Variants in IRF8 observed in about 807,000 individuals in gnomAD.
IRF8 encodes interferon regulatory factor 8.
IRF8 carries 14 observed loss-of-function variants against 48.7 expected under a neutral mutation model. That is an observed-to-expected ratio of 0.29 (90% CI 0.19 to 0.45). The LOEUF (loss-of-function observed/expected upper bound fraction) is 0.45, where lower values mean the gene tolerates loss of function less well. IRF8 is among the 20% of genes least tolerant of loss of function. The probability of loss-of-function intolerance (pLI) is 1.00; values close to 1 mark genes in which losing one functional copy is unlikely to be tolerated. For missense variants in IRF8, 493 were observed against 580.7 expected, an observed-to-expected ratio of 0.85 and a Z score of 1.55; for synonymous variants, 278 against 227.3, an observed-to-expected ratio of 1.22 and a Z score of -2.01.
chr16:85,905,896 C>G (rs1284342974), intron 2 of IRF8, among the ~76,000 whole-genome samples: 1 of 152,246 alleles, frequency 6.6e-6, no homozygotes, highest in African/African-American at 2.4e-5. Flanking sequence ...CCCTCATTGT[C>G]TGCAGGCATC....
At chr16:85,912,642 C>A (rs1025636384) in intron 4 of IRF8, among the ~76,000 whole-genome samples, 1 of 152,152 alleles carries the variant, frequency 6.6e-6, no homozygotes, top group Non-Finnish European at 1.5e-5. Flanking sequence ...ATTGCCACAC[C>A]GGGGTCACAA....
At chr16:85,919,850 G>C (rs1372577446) in intron 7 of IRF8, among the ~76,000 whole-genome samples, 1 of 152,248 alleles carries the variant, frequency 6.6e-6, no homozygotes, top group African/African-American at 2.4e-5. Flanking sequence ...CGAATTGAGA[G>C]ATAAGAGAGA....
intron 6 of IRF8, among the ~76,000 whole-genome samples, chr16:85,917,600 A>G (rs73264978): frequency 0.02 from 3,022 of 152,316 alleles, 94 homozygotes; most frequent in African/African-American, 0.069. Flanking sequence ...TTTGTCTTTC[A>G]TTGAATTTGT....
At chr16:85,919,731 C>T (rs575586868) in intron 7 of IRF8, among the ~76,000 whole-genome samples, 36 of 152,354 alleles carry the variant, frequency 2.4e-4, no homozygotes, top group African/African-American at 8.4e-4. Flanking sequence ...GAGACCCTTT[C>T]AGTTGGCTGT....
intron 2 of IRF8, among the ~76,000 whole-genome samples, chr16:85,906,984 G>A (rs1391481123): frequency 6.6e-6 from 1 of 152,158 alleles, no homozygotes; most frequent in African/African-American, 2.4e-5. Flanking sequence ...AGTTGATTTA[G>A]TACATGGTTT....
rs761395039 is a variant in IRF8, at chr16:85,914,474, C to T, written c.555C>T (p.Gly185=). ...PDWWAQQPST[G]VPLVTGYTTY... ...CTTGCTTTTCTGTTTCTCCTGCAGG[C>T]GTGCCGCTGGTGACGGGGTACACCA... is the stretch of plus-strand genomic sequence containing the variant. Residue 185 remains glycine, a splice_region_variant and synonymous_variant, in exon 6 of 9, where the codon GGC becomes GGT. Coordinates refer to ENST00000268638, the MANE Select transcript of IRF8 (RefSeq NM_002163.4). The T allele has an allele frequency of 7.4e-6, 12 of 1,614,010 alleles. No individual in the cohort carries two copies. Among genetic ancestry groups the T allele is most frequent in the East Asian group, 4.5e-5 (2 of 44,876 alleles).
chr16:85,920,044 C>A, intron 7 of IRF8, 65 bp from the exon 8 acceptor site: 1 of 1,158,290 alleles, frequency 8.6e-7, no homozygotes, highest in Non-Finnish European at 1.3e-6. Flanking sequence ...CCCAGCCCTG[C>A]TGCTGCGGGA....
intron 3 of IRF8, chr16:85,909,490 G>T (rs539974836): frequency 2.6e-6 from 1 of 383,308 alleles, no homozygotes; most frequent in East Asian, 6.1e-5. Context: ...CCAGCAGCTT[G>T]CAGAGGAGGC....
chr16:85,908,079 A>G (rs1398932486), intron 2 of IRF8, among the ~76,000 whole-genome samples: 1 of 152,186 alleles, frequency 6.6e-6, no homozygotes, highest in Non-Finnish European at 1.5e-5. Context: ...TGACCTTGCG[A>G]AAGTTACTTA....
chr16:85,913,160 C>T lies in IRF8; in HGVS notation c.477C>T (p.Ile159=), dbSNP rs2152101951. 13 of 1,614,166 alleles carry T rather than the reference C, an allele frequency of 8.1e-6. No homozygotes were observed. Among genetic ancestry groups the T allele is most frequent in the Non-Finnish European group, 1.1e-5 (13 of 1,180,004 alleles). The change falls in exon 5 of 9, where the codon ATC becomes ATT. Residue 159 remains isoleucine (I), a synonymous_variant. Coordinates refer to ENST00000268638, the MANE Select transcript of IRF8 (RefSeq NM_002163.4). ...CTGTGGACGATTACATGGGGATGAT[C>T]AAAAGGAGCCCTTCCCCGCCGGAGG... ...EPSVDDYMGM[I]KRSPSPPEAC...
At chr16:85,917,777 A>C (rs1259131428) in intron 6 of IRF8, among the ~76,000 whole-genome samples, 1 of 152,190 alleles carries the variant, frequency 6.6e-6, no homozygotes, top group Non-Finnish European at 1.5e-5. Flanking sequence ...TAATCTTGTG[A>C]TTACATGTAT....
intron 6 of IRF8, among the ~76,000 whole-genome samples, chr16:85,917,854 C>T (rs1455867102): frequency 6.6e-6 from 1 of 152,204 alleles, no homozygotes; most frequent in Non-Finnish European, 1.5e-5. Flanking sequence ...GAGTGTTTTT[C>T]AGACTCTTTC....
At chr16:85,902,790 T>TGCAGGTGGCC (rs1904866092) in intron 1 of IRF8, 1 of 598,316 alleles carries the variant, frequency 1.7e-6, no homozygotes, top group Non-Finnish European at 3.0e-6. Flanking sequence ...TGCTGGTGGC[T>TGCAGGTGGCC]GCAGGTTTCC....
intron 7 of IRF8, 69 bp downstream of exon 7, chr16:85,918,872 C>G: frequency 3.8e-6 from 6 of 1,582,388 alleles, no homozygotes; most frequent in Non-Finnish European, 5.1e-6. Flanking sequence ...GTGCCATTTG[C>G]AGCTCAGGGT....
In IRF8 at chr16:85,915,711, C is replaced by G. The variant is rs553931367; in HGVS notation, c.601+1191C>G. 1.2e-4 allele frequency among the ~76,000 whole-genome samples: 18 copies of G among 152,296 alleles called. No homozygotes were observed. The East Asian group carries it at 2.5e-3, about 21-fold the overall frequency. On this transcript the variant is annotated intron_variant, in intron 6 of 8. Transcript: ENST00000268638. ...GGTCATGAGGCTAAGCCTCCGGGCT[C>G]GCCAGCCACTGGGCTATGGCCTGGG...
chr16:85,910,939 G>A (rs766248279), intron 3 of IRF8, among the ~76,000 whole-genome samples: 10 of 152,210 alleles, frequency 6.6e-5, no homozygotes, highest in Non-Finnish European at 1.2e-4. Context: ...GTAAGTTGTC[G>A]ACTGAGGAAG....
intron 2 of IRF8, among the ~76,000 whole-genome samples, chr16:85,907,347 C>G (rs1458044027): frequency 3.9e-5 from 6 of 152,202 alleles, no homozygotes. Flanking sequence ...GTGTGGTCTC[C>G]TGGGTAGCTA....
chr16:85,914,430 A>G, intron 5 of IRF8, 43 bp from the exon 6 acceptor site: 2 of 1,613,760 alleles, frequency 1.2e-6, no homozygotes, highest in Non-Finnish European at 1.7e-6. Context: ...CCTGTACACC[A>G]CACCTGGGTG....
At chr16:85,906,001 C>T (rs2152099802) in intron 2 of IRF8, among the ~76,000 whole-genome samples, 1 of 152,222 alleles carries the variant, frequency 6.6e-6, no homozygotes, top group Non-Finnish European at 1.5e-5. Context: ...TGATGAGGCC[C>T]TGATAGCAAC....
Sources: gnomAD v4.1 joint callset for allele counts (sites outside exome capture counted in the v4.1 genomes callset) on GRCh38, gnomAD v4.1.1 for gene constraint, MANE v1.5 for transcripts, NCBI Gene and HGNC (gene_info 2026-07-23, HGNC 2026-07-21) for gene names.